Variants in NEK7 observed in about 807,000 individuals in gnomAD.
NEK7 encodes the protein serine/threonine-protein kinase Nek7.
In NEK7, 18 loss-of-function variants were observed where a neutral mutation model predicts 44.6. That is an observed-to-expected ratio of 0.40 (90% CI 0.28 to 0.60). The LOEUF is 0.60. Ranked by LOEUF, NEK7 falls within the 20% of genes least tolerant of loss-of-function variation. NEK7 has a pLI of 0.38. For synonymous variants in NEK7, 130 were observed against 121.1 expected (o/e 1.07, Z -0.48); for missense variants, 256 against 366.5 (o/e 0.70, Z 2.46).
intron 2 of NEK7, among the ~76,000 whole-genome samples, chr1:198,243,187 A>G (rs1333722636): frequency 2.0e-5 from 3 of 152,106 alleles, no homozygotes; most frequent in African/African-American, 4.8e-5. Context: ...ATCATCCCTA[A>G]ATTAACCAAC....
chr1:198,206,763 G>A (rs1052710527), intron 1 of NEK7: 2 of 151,794 alleles, frequency 1.3e-5, no homozygotes, highest in Admixed American at 6.6e-5. Flanking sequence ...ATATCCAAAA[G>A]CTTATGTTTA....
chr1:198,180,512 C>G (rs1353495705), intron 1 of NEK7, among the ~76,000 whole-genome samples: 2 of 151,956 alleles, frequency 1.3e-5, no homozygotes, highest in Non-Finnish European at 2.9e-5. Flanking sequence ...GAGAAGCTTG[C>G]ATTTGCTTGG....
chr1:198,203,925 T>C (rs1441488939), intron 1 of NEK7, among the ~76,000 whole-genome samples: 1 of 152,148 alleles, frequency 6.6e-6, no homozygotes, highest in Non-Finnish European at 1.5e-5. Context: ...TTTGGGAAAG[T>C]AGTAGTCTTT....
chr1:198,162,972 T>C (rs1664153441), intron 1 of NEK7, among the ~76,000 whole-genome samples: 1 of 152,192 alleles, frequency 6.6e-6, no homozygotes, highest in South Asian at 2.1e-4. Flanking sequence ...CCTAGCATGC[T>C]TAAAATTGTT....
intron 1 of NEK7, among the ~76,000 whole-genome samples, chr1:198,183,886 G>A (rs1664839684): frequency 6.6e-6 from 1 of 152,142 alleles, no homozygotes; most frequent in South Asian, 2.1e-4. Flanking sequence ...CAAGAAACAG[G>A]TGAAGAAAAT....
chr1:198,300,476 C>G (rs1299380928), intron 9 of NEK7, among the ~76,000 whole-genome samples: 2 of 152,208 alleles, frequency 1.3e-5, no homozygotes, highest in Non-Finnish European at 2.9e-5. Context: ...AAGAAACTCA[C>G]TCTTTTCCTT....
intron 1 of NEK7, among the ~76,000 whole-genome samples, chr1:198,164,810 G>A (rs750994155): frequency 5.3e-5 from 8 of 152,034 alleles, no homozygotes; most frequent in Non-Finnish European, 1.2e-4. Flanking sequence ...CACATCAATT[G>A]ACTCTTTCTT....
chr1:198,264,041 A>G (rs554130914), intron 4 of NEK7, 84 bp from the exon 5 acceptor site: 2 of 1,365,992 alleles, frequency 1.5e-6, no homozygotes, highest in South Asian at 3.5e-5. Flanking sequence ...AATACGGTGA[A>G]GTTTGTTCTT....
chr1:198,197,942 G>A (rs1398430889), intron 1 of NEK7: 30 of 1,510,698 alleles, frequency 2.0e-5, no homozygotes, highest in Non-Finnish European at 2.5e-5. Context: ...AGGCATCCAG[G>A]GGCAGGTGGT....
intron 1 of NEK7, among the ~76,000 whole-genome samples, chr1:198,189,842 A>G (rs2102764240): frequency 6.6e-6 from 1 of 152,262 alleles, no homozygotes; most frequent in South Asian, 2.1e-4. Context: ...TAATCGCAAG[A>G]AGCTGTTGGA....
In NEK7 at chr1:198,297,258, C is replaced by G; in HGVS notation, c.798+18C>G. 3 of 1,610,262 alleles carry G rather than the reference C, an allele frequency of 1.9e-6. No homozygotes were observed. Among genetic ancestry groups the G allele is most frequent in the Non-Finnish European group, 2.5e-6 (3 of 1,178,726 alleles). On this transcript the variant is annotated intron_variant, in intron 9 of 9. Coordinates refer to ENST00000367385, the MANE Select transcript of NEK7 (RefSeq NM_133494.3). ...CAGAAGAAGTAAGTCATTTTCAGCC[C>G]ACATGTTCTTCTGTTGTCCATTTTG...
chr1:198,244,685 A>G (rs932624034), intron 2 of NEK7, among the ~76,000 whole-genome samples: 2 of 152,160 alleles, frequency 1.3e-5, no homozygotes, highest in Admixed American at 6.5e-5. Context: ...ACTAGATTCT[A>G]CTTAGAGCTG....
At chr1:198,247,978 T>A (rs1251667338) in intron 2 of NEK7, among the ~76,000 whole-genome samples, 1 of 152,168 alleles carries the variant, frequency 6.6e-6, no homozygotes, top group Non-Finnish European at 1.5e-5. Flanking sequence ...ACCAGTGCCA[T>A]CTTTGCATTA....
At chr1:198,191,546 T>C (rs1236000355) in intron 1 of NEK7, among the ~76,000 whole-genome samples, 1 of 152,074 alleles carries the variant, frequency 6.6e-6, no homozygotes, top group Non-Finnish European at 1.5e-5. Context: ...GTATGCATTG[T>C]ACATATTCTT....
intron 9 of NEK7, among the ~76,000 whole-genome samples, chr1:198,303,176 C>CATG (rs1297477764): frequency 1.3e-5 from 2 of 152,046 alleles, no homozygotes; most frequent in Non-Finnish European, 2.9e-5. Context: ...TATTTCCATA[C>CATG]ATTTGAGTAT....
intron 1 of NEK7, among the ~76,000 whole-genome samples, chr1:198,228,105 G>T (rs1431316886): frequency 1.3e-5 from 2 of 152,140 alleles, no homozygotes; most frequent in African/African-American, 4.8e-5. Flanking sequence ...AGTTTTCCCA[G>T]CACCATTTAT....
At chr1:198,276,483 A>T (rs1232734370) in intron 5 of NEK7, among the ~76,000 whole-genome samples, 1 of 151,626 alleles carries the variant, frequency 6.6e-6, no homozygotes, top group Non-Finnish European at 1.5e-5. Flanking sequence ...ATGTGTAAAG[A>T]ACTGATTTTG....
intron 9 of NEK7, among the ~76,000 whole-genome samples, chr1:198,312,738 G>A (rs1263630967): frequency 6.6e-6 from 1 of 150,952 alleles, no homozygotes; most frequent in African/African-American, 2.4e-5. Flanking sequence ...TTTCCATGTA[G>A]TTGAGCGATT....
At chr1:198,263,133 G>A (rs887420264) in intron 4 of NEK7, among the ~76,000 whole-genome samples, 1 of 151,850 alleles carries the variant, frequency 6.6e-6, no homozygotes, top group Non-Finnish European at 1.5e-5. Context: ...ATATGACTGA[G>A]ATTTCAGTTA....
Sources: gnomAD v4.1 joint callset for allele counts (sites outside exome capture counted in the v4.1 genomes callset) on GRCh38, gnomAD v4.1.1 for gene constraint, MANE v1.5 for transcripts, NCBI Gene and HGNC (gene_info 2026-07-23, HGNC 2026-07-21) for gene names.